CX3CR1: variants seen among roughly 807,000 people sequenced by gnomAD.
CX3CR1 encodes the protein CX3C chemokine receptor 1.
For missense variants in CX3CR1, 363 were observed against 432.4 expected (o/e 0.84, Z 1.42); for synonymous variants, 168 against 178.5 (o/e 0.94, Z 0.47).
the CX3CR1 span, among the ~76,000 whole-genome samples, chr3:39,290,201 C>G: frequency 6.6e-6 from 1 of 152,146 alleles, no homozygotes; most frequent in African/African-American, 2.4e-5. Flanking sequence ...ATTCAGGAAG[C>G]AGGGGCAGTT....
chr3:39,271,351 G>C (rs1157758975), intron 1 of CX3CR1, among the ~76,000 whole-genome samples: 1 of 152,170 alleles, frequency 6.6e-6, no homozygotes, highest in Non-Finnish European at 1.5e-5. Context: ...ACTCTGAGAA[G>C]TTAGTAGGTG....
chr3:39,288,154 A>G, the CX3CR1 span, among the ~76,000 whole-genome samples: 1 of 152,226 alleles, frequency 6.6e-6, no homozygotes, highest in Non-Finnish European at 1.5e-5. Context: ...GACTAAAACA[A>G]AAGTGCCTCT....
intron 1 of CX3CR1, among the ~76,000 whole-genome samples, chr3:39,276,234 C>T (rs2040839432): frequency 6.6e-6 from 1 of 152,128 alleles, no homozygotes; most frequent in Non-Finnish European, 1.5e-5. Flanking sequence ...AGAAGAGGGA[C>T]ATAGAGAGGG....
upstream of CX3CR1, among the ~76,000 whole-genome samples, chr3:39,283,797 A>T (rs937932861): frequency 2.3e-3 from 54 of 23,692 alleles, 1 homozygote; most frequent in Non-Finnish European, 3.2e-3. Context: ...AAAAAAAATT[A>T]TATATATATA....
At chr3:39,286,038 A>G (rs568621934), upstream of CX3CR1, 76 of 152,350 alleles carry the variant, frequency 5.0e-4, no homozygotes, top group African/African-American at 1.6e-3. Context: ...TTGGCCAGAT[A>G]TTGAAAAATA....
intron 1 of CX3CR1, among the ~76,000 whole-genome samples, chr3:39,278,804 C>A (rs1476964739): frequency 6.6e-6 from 1 of 151,922 alleles, no homozygotes; most frequent in Non-Finnish European, 1.5e-5. Context: ...AAATAACAAG[C>A]CGTGGTCAGT....
chr3:39,290,935 A>G, the CX3CR1 span, among the ~76,000 whole-genome samples: 2 of 152,104 alleles, frequency 1.3e-5, no homozygotes, highest in African/African-American at 2.4e-5. Flanking sequence ...CAAATAAATA[A>G]ACAACAACAA....
At chr3:39,273,866 G>C (rs1462684989) in intron 1 of CX3CR1, among the ~76,000 whole-genome samples, 1 of 152,164 alleles carries the variant, frequency 6.6e-6, no homozygotes. Flanking sequence ...CTGGCCTCAA[G>C]AGATCCTCCT....
rs1376517072 is a variant in CX3CR1, at chr3:39,265,985, G to A, written c.525C>T (p.Cys175=). The change falls in exon 2 of 2, where the codon TGC becomes TGT. Residue 175 remains cysteine, a synonymous_variant. Transcript: ENST00000399220. ...GGAGGACCTCGGGGTAGTCACCAAGGCATTCATTTTCTTTCTGCTTTGTGA... is the reference window on the plus strand; with the variant it reads ...GGAGGACCTCGGGGTAGTCACCAAGACATTCATTTTCTTTCTGCTTTGTGA... ...FMFTKQKENE[C]LGDYPEVLQE... is the part of the protein sequence containing the mutation. The A allele has an allele frequency of 6.2e-7, 1 of 1,614,180 alleles. No homozygotes were observed. Among genetic ancestry groups the A allele is most frequent in the South Asian group, 1.1e-5 (1 of 91,076 alleles).
upstream of CX3CR1, chr3:39,280,209 G>A: frequency 6.1e-6 from 6 of 985,560 alleles, no homozygotes; most frequent in African/African-American, 1.7e-5. Context: ...CTAAACCTCA[G>A]GGAAGACTGC....
chr3:39,275,299 A>G (rs1575210044), intron 1 of CX3CR1, among the ~76,000 whole-genome samples: 1 of 152,306 alleles, frequency 6.6e-6, no homozygotes, highest in African/African-American at 2.4e-5. Context: ...ATGTAAACAA[A>G]CCTAAGGGAG....
upstream of CX3CR1, chr3:39,281,611 C>T (rs757999058): frequency 9.4e-6 from 15 of 1,599,202 alleles, no homozygotes; most frequent in Non-Finnish European, 1.3e-5. Flanking sequence ...CCACTTACCC[C>T]ACTGGCCATT....
At chr3:39,270,297 C>T (rs1486407379) in intron 1 of CX3CR1, among the ~76,000 whole-genome samples, 1 of 152,220 alleles carries the variant, frequency 6.6e-6, no homozygotes, top group Non-Finnish European at 1.5e-5. Flanking sequence ...CTTTAAATTG[C>T]TTATTGGGAT....
At position 39,266,282 on chromosome 3, in the gene CX3CR1, A is replaced by G; in HGVS notation, c.228T>C (p.Ser76=). Residue 76 remains serine, a synonymous_variant, in exon 2 of 2, where the codon TCT becomes TCC. Transcript: ENST00000399220. ...GCAAAGTGGCTACAAACAGCAGATCAGACAAGGCCAGGTTCAGGAGGTAAA... is the reference window on the plus strand; with the variant it reads ...GCAAAGTGGCTACAAACAGCAGATCGGACAAGGCCAGGTTCAGGAGGTAAA... ...TDIYLLNLAL[S]DLLFVATLPF... 2 of 1,614,276 alleles carry G rather than the reference A, an allele frequency of 1.2e-6. No individual in the cohort carries two copies. The highest frequency in any genetic ancestry group is 1.3e-5 in the African/African-American group (1 of 75,070).
chr3:39,289,444 C>A, the CX3CR1 span, among the ~76,000 whole-genome samples: 1 of 152,150 alleles, frequency 6.6e-6, no homozygotes, highest in Non-Finnish European at 1.5e-5. Flanking sequence ...CTCTCTGGAG[C>A]TTTGCTGAAG....
At position 39,266,179 on chromosome 3, in the gene CX3CR1, TGAA is replaced by T; in HGVS notation, c.328_330del (p.Phe110del). On this transcript the variant is annotated inframe_deletion, in exon 2 of 2. Transcript: ENST00000399220. ...AAGAATATGCTTCCAAAAAAGCCGA[TGAA>T]GAAGAAGGCGGTAGTGAATTTGCAC... 2 of 1,614,178 alleles carry T rather than the reference TGAA, an allele frequency of 1.2e-6. No individual in the cohort carries two copies. The highest frequency in any genetic ancestry group is 2.2e-5 in the East Asian group (1 of 44,890).
At chr3:39,269,756 C>G (rs888499510) in intron 1 of CX3CR1, among the ~76,000 whole-genome samples, 4 of 152,132 alleles carry the variant, frequency 2.6e-5, no homozygotes, top group African/African-American at 4.8e-5. Flanking sequence ...CAGTGAAGAC[C>G]CTAGAATTGC....
the CX3CR1 span, chr3:39,287,619 A>C: frequency 6.6e-6 from 1 of 152,306 alleles, no homozygotes; most frequent in African/African-American, 2.4e-5. Flanking sequence ...TTGAAACTGA[A>C]TTGGGCACAA....
At chr3:39,277,596 C>T (rs1029889880) in intron 1 of CX3CR1, among the ~76,000 whole-genome samples, 4 of 152,166 alleles carry the variant, frequency 2.6e-5, no homozygotes, top group Non-Finnish European at 5.9e-5. Context: ...TGGGGAGGAG[C>T]AGTTGGATGC....
Sources: gnomAD v4.1 joint callset for allele counts (sites outside exome capture counted in the v4.1 genomes callset) on GRCh38, gnomAD v4.1.1 for gene constraint, MANE v1.5 for transcripts, NCBI Gene and HGNC (gene_info 2026-07-23, HGNC 2026-07-21) for gene names.